HELLS: variants seen among roughly 807,000 people sequenced by gnomAD.
HELLS encodes the protein lymphoid-specific helicase.
HELLS carries 32 observed loss-of-function variants against 120.0 expected under a neutral mutation model. The ratio of observed to expected loss-of-function variants is 0.27; its 90% CI spans 0.20 to 0.36. The LOEUF is 0.36. Among genes scored for constraint, HELLS ranks in the 10% least tolerant of loss-of-function variants. The pLI is 1.00. For synonymous variants in HELLS, 341 were observed against 323.4 expected (o/e 1.05, Z -0.58); for missense variants, 650 against 993.4 (o/e 0.65, Z 4.65).
chr10:94,601,750 G>C lies in HELLS; in HGVS notation c.*128G>C, dbSNP rs1846042867. 1 of 528,084 alleles carries C rather than the reference G, an allele frequency of 1.9e-6. No individual in the cohort carries two copies. The highest frequency in any genetic ancestry group is 3.4e-6 in the Non-Finnish European group (1 of 296,908). The allele number at this position is 528,084 out of a possible 1,614,324, so 32.7% of individuals were successfully genotyped here. A position where few individuals can be genotyped will look rare whatever the true frequency, so the allele number is the denominator to read the frequency against. ...TCAGTTGACATGTAACTAGTACCAT[G>C]CGTACTTAAATAGATGGTAATTTTC... On this transcript the variant is annotated 3_prime_UTR_variant, in exon 22 of 22. Transcript: ENST00000348459.
chr10:94,607,056 G>T (rs1846136974), downstream of HELLS, among the ~76,000 whole-genome samples: 1 of 152,280 alleles, frequency 6.6e-6, no homozygotes, highest in Non-Finnish European at 1.5e-5. Flanking sequence ...TCAAAATGTA[G>T]ACTTCCTCAG....
intron 21 of HELLS, among the ~76,000 whole-genome samples, chr10:94,599,774 G>A (rs1022820228): frequency 2.6e-5 from 4 of 152,110 alleles, no homozygotes; most frequent in Non-Finnish European, 5.9e-5. Flanking sequence ...AATAATGAAG[G>A]TTTTTACAAC....
At chr10:94,572,279 A>AGTC (rs1564593823) in intron 7 of HELLS, among the ~76,000 whole-genome samples, 9 of 135,020 alleles carry the variant, frequency 6.7e-5, no homozygotes, top group Non-Finnish European at 8.2e-5. Context: ...TACAGTCAGT[A>AGTC]AGAAATAGTT....
exon 10 of HELLS, chr10:94,611,016 T>C (rs959052967): frequency 1.3e-5 from 2 of 152,216 alleles, no homozygotes; most frequent in Non-Finnish European, 2.9e-5. Flanking sequence ...TTCAGTGACA[T>C]TATGTCATTG....
At chr10:94,548,504 G>A (rs1215025763) in intron 2 of HELLS, among the ~76,000 whole-genome samples, 1 of 152,140 alleles carries the variant, frequency 6.6e-6, no homozygotes, top group Non-Finnish European at 1.5e-5. Context: ...TTCATTCAAG[G>A]AAGAAACACT....
chr10:94,611,778 A>G (rs751884196), exon 10 of HELLS: 1 of 152,172 alleles, frequency 6.6e-6, no homozygotes, highest in Non-Finnish European at 1.5e-5. Flanking sequence ...AAAAGCTGAC[A>G]TTTGACTGAA....
exon 10 of HELLS, chr10:94,611,601 A>G (rs1846194438): frequency 6.6e-6 from 1 of 152,176 alleles, no homozygotes; most frequent in Non-Finnish European, 1.5e-5. Context: ...CTGAAGGGGA[A>G]AGTTATCCTC....
At chr10:94,585,390 T>C (rs1845082777) in intron 12 of HELLS, among the ~76,000 whole-genome samples, 1 of 149,300 alleles carries the variant, frequency 6.7e-6, no homozygotes, top group Non-Finnish European at 1.5e-5. Flanking sequence ...TTTTTGTTTT[T>C]TTTTTTGTTT....
At position 94,553,763 on chromosome 10, in the gene HELLS, G is replaced by T. The variant is rs184957594; in HGVS notation, c.154-363G>T. On this transcript the variant is annotated intron_variant, in intron 2 of 21. Transcript: ENST00000348459. ...GGGTTTCTCCATGTTGGTCCGGCTG[G>T]TCTCGAACCCCCGACCTCAGGTGAT... Among the ~76,000 whole-genome samples, 542 of 151,772 alleles carry T rather than the reference G, an allele frequency of 3.6e-3. 2 individuals carry two copies. Among genetic ancestry groups the T allele is most frequent in the African/African-American group, 0.013 (517 of 41,348 alleles).
chr10:94,579,985 C>T (rs184655086), intron 10 of HELLS, among the ~76,000 whole-genome samples: 196 of 151,488 alleles, frequency 1.3e-3, no homozygotes, highest in Non-Finnish European at 2.1e-3. Flanking sequence ...ACTCTGGTAA[C>T]GGAGTGTGAG....
In HELLS at chr10:94,590,741, G is replaced by A; in HGVS notation, c.1732G>A (p.Glu578Lys). 9 of 1,582,716 alleles carry A rather than the reference G, an allele frequency of 5.7e-6. No individual in the cohort carries two copies. The highest frequency in any genetic ancestry group is 7.8e-6 in the Non-Finnish European group (9 of 1,153,262). The part of the protein sequence containing the change: ...RKCCNHPYLI[E>K]YPIDPVTQEF... ...ATGTTGTAATCATCCATATTTGATTGAATATCCTATAGACCCTGTTACACA... is the reference window on the plus strand; with the variant it reads ...ATGTTGTAATCATCCATATTTGATTAAATATCCTATAGACCCTGTTACACA... The change falls in exon 15 of 22, where the codon GAA becomes AAA. Residue 578 changes from glutamate to lysine, a missense_variant. Coordinates refer to ENST00000348459, the MANE Select transcript of HELLS (RefSeq NM_018063.5).
chr10:94,586,946 C>G (rs571279807), intron 12 of HELLS, among the ~76,000 whole-genome samples: 5 of 151,916 alleles, frequency 3.3e-5, no homozygotes, highest in African/African-American at 1.2e-4. Context: ...CTGCTCGCCT[C>G]GGCTTCCCAA....
rs531322594 is a variant in HELLS at position 94,601,285 on chromosome 10, C to A, written c.2423-243C>A. Reference sequence around the variant, plus strand: ...AGCAAAAGCGATTTTGACTAGCAAACTGATGCTTTAGATTGTATGCTCCCA... The same window carrying A: ...AGCAAAAGCGATTTTGACTAGCAAAATGATGCTTTAGATTGTATGCTCCCA... On this transcript the variant is annotated intron_variant, in intron 21 of 21. Transcript: ENST00000348459. Among the ~76,000 whole-genome samples, 13 of 152,150 alleles carry A rather than the reference C, an allele frequency of 8.5e-5. 1 individual carries two copies. Among genetic ancestry groups the A allele is most frequent in the Admixed American group, 6.5e-4 (10 of 15,288 alleles).
chr10:94,555,496 G>A (rs1465897775), intron 3 of HELLS, among the ~76,000 whole-genome samples: 1 of 152,174 alleles, frequency 6.6e-6, no homozygotes, highest in East Asian at 1.9e-4. Flanking sequence ...CTTCTGGATA[G>A]CTGAACACAT....
At chr10:94,597,522 G>A (rs563438625) in intron 21 of HELLS, among the ~76,000 whole-genome samples, 1 of 152,108 alleles carries the variant, frequency 6.6e-6, no homozygotes, top group Non-Finnish European at 1.5e-5. Context: ...TTAACACGAT[G>A]ATTTATTTTA....
chr10:94,590,345 T>G, intron 13 of HELLS, 68 bp from the exon 14 acceptor site: 1 of 1,330,952 alleles, frequency 7.5e-7, no homozygotes, highest in African/African-American at 1.5e-5. Context: ...ATGCCTTATT[T>G]TGTTTACATT....
At chr10:94,587,119 C>G (rs1441185775) in intron 12 of HELLS, among the ~76,000 whole-genome samples, 1 of 151,978 alleles carries the variant, frequency 6.6e-6, no homozygotes, top group Non-Finnish European at 1.5e-5. Flanking sequence ...TGTAACCACC[C>G]CAGCTAATGA....
intron 2 of HELLS, among the ~76,000 whole-genome samples, chr10:94,549,007 T>C (rs1589694775): frequency 6.6e-6 from 1 of 151,520 alleles, no homozygotes; most frequent in Non-Finnish European, 1.5e-5. Flanking sequence ...AAAAAAAGTA[T>C]GTAGCCGTTT....
At chr10:94,577,979 C>T (rs1438078566) in intron 10 of HELLS, among the ~76,000 whole-genome samples, 12 of 145,402 alleles carry the variant, frequency 8.3e-5, no homozygotes, top group African/African-American at 2.0e-4. Flanking sequence ...AGGAGAATGG[C>T]GTGAACCCGG....
Sources: allele counts gnomAD v4.1 joint callset (sites outside exome capture counted in the v4.1 genomes callset), GRCh38; gene constraint gnomAD v4.1.1; transcripts MANE v1.5; gene names NCBI Gene and HGNC (gene_info 2026-07-23, HGNC 2026-07-21).